FGGY: variants seen among roughly 807,000 people sequenced by gnomAD.
The protein encoded by FGGY is FGGY carbohydrate kinase domain-containing protein.
A neutral mutation model predicts 71.3 loss-of-function variants in FGGY; 72 were observed. The observed-to-expected ratio is 1.01, with a 90% CI of 0.84 to 1.23. The LOEUF is 1.23. Among genes scored for constraint, FGGY ranks in the 50% most tolerant of loss-of-function variants. FGGY has a pLI of 0.00. For synonymous variants in FGGY, 251 were observed against 250.3 expected (o/e 1.00, Z -0.02); for missense variants, 668 against 682.3 (o/e 0.98, Z 0.23).
At chr1:59,367,402 T>C (rs1049570779) in intron 4 of FGGY, among the ~76,000 whole-genome samples, 1 of 152,362 alleles carries the variant, frequency 6.6e-6, no homozygotes, top group African/African-American at 2.4e-5. Flanking sequence ...GTCTTGAACA[T>C]AGAGTGAGGA....
chr1:59,590,614 G>C (rs2096412260), intron 8 of FGGY, among the ~76,000 whole-genome samples: 1 of 152,126 alleles, frequency 6.6e-6, no homozygotes. Context: ...TTCATCCCTG[G>C]GATGTAAGGC....
At chr1:59,757,862 G>A in intron 14 of FGGY, 69 bp from the exon 15 acceptor site, 1 of 1,040,072 alleles carries the variant, frequency 9.6e-7, no homozygotes, top group Non-Finnish European at 1.5e-6. Context: ...AGAATGTTTT[G>A]CCTGTGACAA....
chr1:59,466,770 G>C (rs1317557933), intron 6 of FGGY, among the ~76,000 whole-genome samples: 1 of 152,162 alleles, frequency 6.6e-6, no homozygotes, highest in East Asian at 1.9e-4. Context: ...CATCATCACT[G>C]GTCATTAGAT....
At chr1:59,534,606 A>G (rs1461147945) in intron 7 of FGGY, among the ~76,000 whole-genome samples, 3 of 152,220 alleles carry the variant, frequency 2.0e-5, no homozygotes, top group Non-Finnish European at 4.4e-5. Flanking sequence ...CCTCAAAGGG[A>G]AGCCCATCAG....
At position 59,663,361 on chromosome 1, in the gene FGGY, A is replaced by G. The variant is rs150256561; in HGVS notation, c.1296+3068A>G. Among the ~76,000 whole-genome samples, 861 of 152,356 alleles carry G rather than the reference A, an allele frequency of 5.7e-3. 9 individuals are homozygous for G. The highest frequency in any genetic ancestry group is 0.02 in the African/African-American group (819 of 41,582). On this transcript the variant is annotated intron_variant, in intron 12 of 15. Coordinates refer to ENST00000303721, the MANE Select transcript of FGGY (RefSeq NM_018291.5). ...AGCTACATGGGTGAAATAAGCTTTCAGATATTCCTAAGAATCGTTTTTACT... is the reference window on the plus strand; with the variant it reads ...AGCTACATGGGTGAAATAAGCTTTCGGATATTCCTAAGAATCGTTTTTACT...
intron 6 of FGGY, among the ~76,000 whole-genome samples, chr1:59,494,677 T>G (rs2093977991): frequency 6.6e-6 from 1 of 152,120 alleles, no homozygotes; most frequent in African/African-American, 2.4e-5. Context: ...ATACCAGAAA[T>G]GCAATATGTA....
At chr1:59,558,658 A>G (rs1184766330) in intron 8 of FGGY, among the ~76,000 whole-genome samples, 1 of 152,196 alleles carries the variant, frequency 6.6e-6, no homozygotes, top group Admixed American at 6.5e-5. Context: ...CTTGATAAAC[A>G]TCTTAAACAA....
chr1:59,533,608 T>G (rs1018177067), intron 7 of FGGY, among the ~76,000 whole-genome samples: 22 of 152,186 alleles, frequency 1.4e-4, no homozygotes, highest in African/African-American at 4.6e-4. Flanking sequence ...TCTGACAGCT[T>G]TGAAGAGAGC....
intron 14 of FGGY, among the ~76,000 whole-genome samples, chr1:59,751,886 A>G (rs912673617): frequency 6.6e-6 from 1 of 152,164 alleles, no homozygotes; most frequent in African/African-American, 2.4e-5. Flanking sequence ...CCATTTTGTG[A>G]GGGTTAGTTT....
chr1:59,361,923 C>T (rs1286828010), intron 4 of FGGY, among the ~76,000 whole-genome samples: 1 of 152,140 alleles, frequency 6.6e-6, no homozygotes, highest in Non-Finnish European at 1.5e-5. Context: ...GCCCTTTCCG[C>T]CTCTCTTGGG....
intron 14 of FGGY, among the ~76,000 whole-genome samples, chr1:59,735,929 T>G (rs2098098324): frequency 1.3e-5 from 2 of 152,200 alleles, no homozygotes; most frequent in South Asian, 4.1e-4. Flanking sequence ...TACACCCTGA[T>G]ATGGTTTGGC....
At chr1:59,657,815 A>G (rs1256257089) in intron 11 of FGGY, among the ~76,000 whole-genome samples, 1 of 152,162 alleles carries the variant, frequency 6.6e-6, no homozygotes, top group African/African-American at 2.4e-5. Context: ...TTCTCTGATG[A>G]GAAAGGGTAA....
chr1:59,484,435 G>A (rs561883601), intron 6 of FGGY, among the ~76,000 whole-genome samples: 1 of 152,174 alleles, frequency 6.6e-6, no homozygotes, highest in South Asian at 2.1e-4. Flanking sequence ...ACCTTCTTGT[G>A]GACTGTCTCT....
chr1:59,664,081 A>G (rs1333062685), intron 12 of FGGY, among the ~76,000 whole-genome samples: 1 of 152,230 alleles, frequency 6.6e-6, no homozygotes, highest in Non-Finnish European at 1.5e-5. Flanking sequence ...CGGTTTATCC[A>G]TAGCCTGTTC....
intron 6 of FGGY, among the ~76,000 whole-genome samples, chr1:59,466,801 A>G (rs186584916): frequency 3.3e-5 from 5 of 152,354 alleles, no homozygotes; most frequent in Admixed American, 2.0e-4. Flanking sequence ...CAAAACCACA[A>G]TGAGATACCA....
intron 14 of FGGY, among the ~76,000 whole-genome samples, chr1:59,690,302 G>A (rs2097578638): frequency 6.6e-6 from 1 of 152,082 alleles, no homozygotes; most frequent in South Asian, 2.1e-4. Context: ...GGCTCACTTA[G>A]TCCTCACAAC....
At chr1:59,656,799 CTATGT>C (rs72039807) in intron 11 of FGGY, among the ~76,000 whole-genome samples, 1,939 of 150,998 alleles carry the variant, frequency 0.013, 79 homozygotes, top group East Asian at 0.11. Context: ...TCAAGGATAG[CTATGT>C]TTTATTTATC....
intron 14 of FGGY, among the ~76,000 whole-genome samples, chr1:59,674,632 C>CCAAATTA (rs2097418499): frequency 6.6e-6 from 1 of 152,172 alleles, no homozygotes; most frequent in Non-Finnish European, 1.5e-5. Context: ...AATTTGGTGG[C>CCAAATTA]TGTGATTAAA....
chr1:59,351,535 G>T (rs1189219995), intron 4 of FGGY, among the ~76,000 whole-genome samples: 3 of 152,202 alleles, frequency 2.0e-5, no homozygotes. Flanking sequence ...TCTGCAGGAG[G>T]ATAGAGATCA....
Sources: gnomAD v4.1 joint callset for allele counts (sites outside exome capture counted in the v4.1 genomes callset) on GRCh38, gnomAD v4.1.1 for gene constraint, MANE v1.5 for transcripts, NCBI Gene and HGNC (gene_info 2026-07-23, HGNC 2026-07-21) for gene names.